Variants in ASRGL1 observed in about 807,000 individuals in gnomAD.
The protein encoded by ASRGL1 is asparaginase and isoaspartyl peptidase 1.
In ASRGL1, 16 loss-of-function variants were observed where a neutral mutation model predicts 22.4. That is an observed-to-expected ratio of 0.71 (90% CI 0.48 to 1.08). ASRGL1 has a LOEUF of 1.08. Ranked by LOEUF, ASRGL1 falls within the 50% of genes least tolerant of loss-of-function variation. ASRGL1 has a pLI of 0.00. For missense variants in ASRGL1, 412 were observed against 410.1 expected, an observed-to-expected ratio of 1.00 and a Z score of -0.04; for synonymous variants, 165 against 159.3, an observed-to-expected ratio of 1.04 and a Z score of -0.27.
At chr11:62,376,568 GATTTCT>G (rs1324790671) in intron 4 of ASRGL1, among the ~76,000 whole-genome samples, 1 of 152,076 alleles carries the variant, frequency 6.6e-6, no homozygotes, top group Non-Finnish European at 1.5e-5. Flanking sequence ...GTAGTAGTCT[GATTTCT>G]ATAAATGTTT....
chr11:62,384,187 C>G (rs1947148594), intron 4 of ASRGL1, among the ~76,000 whole-genome samples: 1 of 151,970 alleles, frequency 6.6e-6, no homozygotes, highest in African/African-American at 2.4e-5. Context: ...CCAGCCTGGG[C>G]AACAGTGCAA....
chr11:62,381,102 C>T (rs1044991958), intron 4 of ASRGL1, among the ~76,000 whole-genome samples: 4 of 152,052 alleles, frequency 2.6e-5, no homozygotes, highest in East Asian at 1.9e-4. Flanking sequence ...TATTTTCTAC[C>T]GGCTGATATT....
At chr11:62,350,179 G>C (rs1238309161) in intron 2 of ASRGL1, among the ~76,000 whole-genome samples, 2 of 152,042 alleles carry the variant, frequency 1.3e-5, no homozygotes, top group African/African-American at 4.8e-5. Context: ...CGTCTCTGAC[G>C]GAATCATACA....
chr11:62,391,426 C>T, intron 5 of ASRGL1, 96 bp from the exon 6 acceptor site: 2 of 1,473,912 alleles, frequency 1.4e-6, no homozygotes, highest in Non-Finnish European at 1.8e-6. Context: ...TACTTGAGCA[C>T]CCTTCGCGAT....
chr11:62,347,694 C>T (rs1946063152), intron 2 of ASRGL1, among the ~76,000 whole-genome samples: 1 of 151,906 alleles, frequency 6.6e-6, no homozygotes, highest in Non-Finnish European at 1.5e-5. Context: ...GTAATCTCAG[C>T]ACTTTGGGAG....
chr11:62,364,878 G>A (rs1427467005), intron 4 of ASRGL1, among the ~76,000 whole-genome samples: 1 of 151,956 alleles, frequency 6.6e-6, no homozygotes, highest in African/African-American at 2.4e-5. Context: ...AGACCAGCCT[G>A]GCCAACATGG....
chr11:62,396,383 C>T (rs1443083776), downstream of ASRGL1, among the ~76,000 whole-genome samples: 2 of 152,164 alleles, frequency 1.3e-5, no homozygotes, highest in East Asian at 3.8e-4. Flanking sequence ...TGAGCCACAG[C>T]CGTCCATAGC....
At position 62,338,170 on chromosome 11, in the gene ASRGL1, A is replaced by G. The variant is rs375162214; in HGVS notation, c.190+3A>G. On this transcript the variant is annotated splice_donor_region_variant and intron_variant, in intron 2 of 6. Coordinates refer to ENST00000415229, the MANE Select transcript of ASRGL1 (RefSeq NM_001083926.2). ...AGACGATCCCGAGTTCAACGCAGGT[A>G]AATGTGCCTTTCAGCTAGTAAATAA... The G allele has an allele frequency of 1.9e-5, 30 of 1,553,274 alleles. No homozygotes were observed. The highest frequency in any genetic ancestry group is 2.4e-5 in the Non-Finnish European group (28 of 1,151,920).
At chr11:62,394,164 A>G (rs1268342952), downstream of ASRGL1, among the ~76,000 whole-genome samples, 5 of 137,802 alleles carry the variant, frequency 3.6e-5, no homozygotes, top group South Asian at 2.1e-4. Context: ...TAATACATAT[A>G]TATTATATAT....
rs35892721 is a variant in ASRGL1 at position 62,371,953 on chromosome 11, CAAAAAAAAAAAAAAAAAAA to C, written c.491+14812_491+14830del. 3 of 420,316 alleles carry C rather than the reference CAAAAAAAAAAAAAAAAAAA, an allele frequency of 7.1e-6. No individual in the cohort carries two copies. The East Asian group carries it at 1.2e-4, about 16-fold the overall frequency. 26.0% of individuals were successfully genotyped at this position (420,316 alleles called of 1,614,324 possible). A position where few individuals can be genotyped will look rare whatever the true frequency, so the allele number is the denominator to read the frequency against. On this transcript the variant is annotated intron_variant, in intron 4 of 6. Coordinates refer to ENST00000415229, the MANE Select transcript of ASRGL1 (RefSeq NM_001083926.2). ...TGGGCAACAGAGCAAGACTCCGTCTCAAAAAAAAAAAAAAAAAAAAAGTTCCTAAACAGGAAGCTGCGTA... is the reference window on the plus strand; with the variant it reads ...TGGGCAACAGAGCAAGACTCCGTCTCAAGTTCCTAAACAGGAAGCTGCGTA...
In ASRGL1 at chr11:62,390,614, G is replaced by A. The variant is rs549951376; in HGVS notation, c.611-908G>A. ...TGGAACCCGGTCAGTTAATTCCCCA[G>A]CAGAAGCTTATAAGAAAAAGTAAAG... On this transcript the variant is annotated intron_variant, in intron 5 of 6. Transcript: ENST00000415229. Among the ~76,000 whole-genome samples the A allele has an allele frequency of 2.0e-5, 3 of 152,310 alleles. No individual in the cohort carries two copies. In the South Asian group the frequency reaches 6.2e-4, roughly 32 times the overall value.
chr11:62,363,714 A>T (rs919081110), intron 4 of ASRGL1, among the ~76,000 whole-genome samples: 1 of 152,230 alleles, frequency 6.6e-6, no homozygotes, highest in African/African-American at 2.4e-5. Flanking sequence ...TACTGCTTTG[A>T]GAATTTTGTT....
chr11:62,349,652 C>T (rs141513493), intron 2 of ASRGL1, among the ~76,000 whole-genome samples: 95 of 152,192 alleles, frequency 6.2e-4, no homozygotes, highest in African/African-American at 2.3e-3. Flanking sequence ...AGACGGGTCC[C>T]GATCCAGACC....
intron 4 of ASRGL1, among the ~76,000 whole-genome samples, chr11:62,360,998 C>T (rs918827526): frequency 1.3e-5 from 2 of 152,060 alleles, no homozygotes; most frequent in Non-Finnish European, 2.9e-5. Flanking sequence ...TGGAAATTTT[C>T]TAGGTTTCAG....
chr11:62,368,105 G>A (rs138252784), intron 4 of ASRGL1, among the ~76,000 whole-genome samples: 20 of 152,146 alleles, frequency 1.3e-4, no homozygotes, highest in African/African-American at 4.6e-4. Flanking sequence ...ACACTCAACC[G>A]CGGTCTGATG....
In ASRGL1 at chr11:62,356,546, AATACTTGAG is replaced by A. The variant is rs539646274; in HGVS notation, c.333+82_333+90del. 533 of 1,479,350 alleles carry A rather than the reference AATACTTGAG, an allele frequency of 3.6e-4. 8 individuals are homozygous for A. The East Asian group carries it at 0.01, about 29-fold the overall frequency. 91.6% of individuals were successfully genotyped at this position (1,479,350 alleles called of 1,614,324 possible). On this transcript the variant is annotated intron_variant, in intron 3 of 6. Coordinates refer to ENST00000415229, the MANE Select transcript of ASRGL1 (RefSeq NM_001083926.2). The stretch of plus-strand genomic sequence containing the variant: ...GTGATAAGGGCTCCAACTGTGCAGA[AATACTTGAG>A]ATCACTGTTCTCCTAAAAATATATA...
intron 4 of ASRGL1, among the ~76,000 whole-genome samples, chr11:62,359,554 G>A (rs1406809008): frequency 2.0e-5 from 3 of 151,352 alleles, no homozygotes; most frequent in Non-Finnish European, 4.4e-5. Context: ...CTCTTTTTTT[G>A]TACTAAATCT....
chr11:62,355,866 A>G (rs577838375), intron 2 of ASRGL1, among the ~76,000 whole-genome samples: 3 of 152,142 alleles, frequency 2.0e-5, no homozygotes, highest in Non-Finnish European at 4.4e-5. Context: ...AACAAAGCAC[A>G]TCTTGCACCG....
chr11:62,388,531 G>T (rs1345646241), intron 4 of ASRGL1, among the ~76,000 whole-genome samples: 1 of 152,048 alleles, frequency 6.6e-6, no homozygotes, highest in Non-Finnish European at 1.5e-5. Context: ...TTACCCAGGT[G>T]TGGTGGTGCA....
Sources: gnomAD v4.1 joint callset for allele counts (sites outside exome capture counted in the v4.1 genomes callset) on GRCh38, gnomAD v4.1.1 for gene constraint, MANE v1.5 for transcripts, NCBI Gene and HGNC (gene_info 2026-07-23, HGNC 2026-07-21) for gene names.